The following CACNG3 variants were observed in gnomAD, a reference collection of about 807,000 sequenced individuals.
CACNG3 encodes the protein voltage-dependent calcium channel gamma-3 subunit.
In CACNG3, 3 loss-of-function variants were observed where a neutral mutation model predicts 28.5. The observed-to-expected ratio is 0.11, with a 90% confidence interval of 0.05 to 0.27. The LOEUF (loss-of-function observed/expected upper bound fraction) is 0.27. Ranked by LOEUF, CACNG3 falls within the 10% of genes least tolerant of loss-of-function variation. The pLI is 1.00. For missense variants in CACNG3, 236 were observed against 414.4 expected, an observed-to-expected ratio of 0.57 and a Z score of 3.74; for synonymous variants, 174 against 162.2, an observed-to-expected ratio of 1.07 and a Z score of -0.55.
At chr16:24,317,552 GAA>G (rs1173044165) in intron 1 of CACNG3, among the ~76,000 whole-genome samples, 1 of 63,222 alleles carries the variant, frequency 1.6e-5, no homozygotes, top group Non-Finnish European at 3.5e-5. Context: ...AAAAAAAAAA[GAA>G]AAAGAAAGAA....
intron 1 of CACNG3, among the ~76,000 whole-genome samples, chr16:24,334,185 G>A (rs1205641356): frequency 1.3e-5 from 2 of 152,184 alleles, no homozygotes; most frequent in African/African-American, 4.8e-5. Context: ...TACAACGCTG[G>A]ACCCTAGGTT....
At chr16:24,308,918 G>A (rs1269662000) in intron 1 of CACNG3, among the ~76,000 whole-genome samples, 1 of 145,252 alleles carries the variant, frequency 6.9e-6, no homozygotes, top group Admixed American at 6.9e-5. Context: ...TAGTAAAAGT[G>A]AACAATTTAA....
chr16:24,342,719 T>C (rs770261353), intron 1 of CACNG3, among the ~76,000 whole-genome samples: 4 of 152,186 alleles, frequency 2.6e-5, no homozygotes, highest in East Asian at 1.9e-4. Context: ...ATGGGCACGA[T>C]TGTGTTTCAA....
chr16:24,318,079 A>G (rs1015038042), intron 1 of CACNG3, among the ~76,000 whole-genome samples: 10 of 151,964 alleles, frequency 6.6e-5, no homozygotes, highest in Non-Finnish European at 1.0e-4. Context: ...CCTTCATATG[A>G]TCCTTCTCCA....
At chr16:24,297,295 T>A (rs1316785295) in intron 1 of CACNG3, among the ~76,000 whole-genome samples, 2 of 151,164 alleles carry the variant, frequency 1.3e-5, no homozygotes, top group Non-Finnish European at 2.9e-5. Flanking sequence ...AATAAATAAA[T>A]AAATAAAAAT....
At chr16:24,296,852 G>T (rs1263222262) in intron 1 of CACNG3, among the ~76,000 whole-genome samples, 1 of 152,166 alleles carries the variant, frequency 6.6e-6, no homozygotes, top group Non-Finnish European at 1.5e-5. Flanking sequence ...GTTATTTTGG[G>T]TGTGCAAATG....
chr16:24,283,768 T>C (rs1898859872), intron 1 of CACNG3, among the ~76,000 whole-genome samples: 1 of 152,202 alleles, frequency 6.6e-6, no homozygotes. Flanking sequence ...CAAAGTGTGA[T>C]CACAGATCTC....
Position 24,361,579 on chromosome 16 carries a change from G to A in CACNG3, c.664G>A (p.Ala222Thr). The A allele has an allele frequency of 6.2e-7, 1 of 1,613,854 alleles. No individual in the cohort carries two copies. The highest frequency in any genetic ancestry group is 8.5e-7 in the Non-Finnish European group (1 of 1,179,938). Residue 222 changes from alanine (A) to threonine (T), a missense_variant, in exon 4 of 4, where the codon GCC becomes ACC. Ala to Thr is a moderately conservative substitution (Grantham distance 58). Around this residue, in one of 2 missense-constraint regions of CACNG3, gnomAD observed 116 missense variants for 151.0 expected, o/e 0.77. Coordinates refer to ENST00000005284, the MANE Select transcript of CACNG3 (RefSeq NM_006539.4). The surrounding 1 kb of genome is among the most constrained non-coding windows in gnomAD (Gnocchi z 6.8). ...HSEFLKKSTF[A>T]RLPPYRYRFR... is the part of the protein sequence containing the mutation. ...GGAGTTCCTGAAGAAATCTACTTTT[G>A]CCCGCCTCCCACCCTACAGGTATCG...
chr16:24,315,553 CTTCTTTCTTTCTT>C (rs961721471), intron 1 of CACNG3, among the ~76,000 whole-genome samples: 10 of 127,890 alleles, frequency 7.8e-5, no homozygotes, highest in Non-Finnish European at 1.4e-4. Flanking sequence ...TTTTTCTTTT[CTTCTTTCTTTCTT>C]TTCTTTCTTT....
intron 1 of CACNG3, among the ~76,000 whole-genome samples, chr16:24,271,027 T>A (rs986901767): frequency 6.6e-6 from 1 of 152,124 alleles, no homozygotes; most frequent in Non-Finnish European, 1.5e-5. Flanking sequence ...CAGTTTAGGA[T>A]AGTGCAGGCC....
At position 24,316,608 on chromosome 16, in the gene CACNG3, C is replaced by G. The variant is rs1481766112; in HGVS notation, c.212-30126C>G. On this transcript the variant is annotated intron_variant, in intron 1 of 3. Coordinates refer to ENST00000005284, the MANE Select transcript of CACNG3 (RefSeq NM_006539.4). ...CTGTGGCTTCCCGGTGCTCTGGGCA[C>G]CTTCCCAGTCCTCCTCACAGCAGCC... 2.6e-5 allele frequency among the ~76,000 whole-genome samples: 4 copies of G among 152,196 alleles called. No individual in the cohort carries two copies. The East Asian group carries it at 7.7e-4, about 29-fold the overall frequency.
At chr16:24,333,670 T>C in intron 1 of CACNG3, 1 of 152,138 alleles carries the variant, frequency 6.6e-6, no homozygotes, top group Non-Finnish European at 1.5e-5. Flanking sequence ...ACCCTATCTC[T>C]ACAAAAAAAA....
At chr16:24,343,396 C>G (rs1440172489) in intron 1 of CACNG3, among the ~76,000 whole-genome samples, 1 of 152,110 alleles carries the variant, frequency 6.6e-6, no homozygotes, top group South Asian at 2.1e-4. Flanking sequence ...TCCATCTTCA[C>G]CTGAACACTT....
At chr16:24,337,371 T>C (rs1036202891) in intron 1 of CACNG3, among the ~76,000 whole-genome samples, 1 of 152,174 alleles carries the variant, frequency 6.6e-6, no homozygotes, top group Non-Finnish European at 1.5e-5. Context: ...CCCTTTGTGA[T>C]TGCTGGTGAC....
intron 1 of CACNG3, among the ~76,000 whole-genome samples, chr16:24,302,728 C>T (rs1481218227): frequency 1.3e-5 from 2 of 151,848 alleles, no homozygotes; most frequent in African/African-American, 2.4e-5. Flanking sequence ...GGTGCAATCT[C>T]GGCTCACTGC....
chr16:24,293,845 A>G (rs1273165715), intron 1 of CACNG3, among the ~76,000 whole-genome samples: 1 of 152,080 alleles, frequency 6.6e-6, no homozygotes, highest in Non-Finnish European at 1.5e-5. Flanking sequence ...GCAAGGGGAA[A>G]TCCTCTCTTC....
chr16:24,274,626 T>C (rs1002845296), intron 1 of CACNG3, among the ~76,000 whole-genome samples: 12 of 152,182 alleles, frequency 7.9e-5, no homozygotes, highest in African/African-American at 2.7e-4. Flanking sequence ...ACAAGATTTA[T>C]GGCATATGAT....
rs377509628 is a variant in CACNG3, at chr16:24,340,220, C to T, written c.212-6514C>T. ...CAGGAGTTCAAGATCGTGAACATGA[C>T]GAGACCCCATCTCTACAAAAATATA... On this transcript the variant is annotated intron_variant, in intron 1 of 3. Coordinates refer to ENST00000005284, the MANE Select transcript of CACNG3 (RefSeq NM_006539.4). Among the ~76,000 whole-genome samples, 10 of 151,890 alleles carry T rather than the reference C, an allele frequency of 6.6e-5. No homozygotes were observed. The East Asian group carries it at 1.7e-3, about 27-fold the overall frequency.
At chr16:24,322,965 C>T (rs894828132) in intron 1 of CACNG3, among the ~76,000 whole-genome samples, 8 of 152,222 alleles carry the variant, frequency 5.3e-5, no homozygotes, top group Middle Eastern at 3.4e-3. Context: ...GCAGCTCACA[C>T]CTGTAATCCT....
Sources: allele counts gnomAD v4.1 joint callset (sites outside exome capture counted in the v4.1 genomes callset), GRCh38; gene constraint gnomAD v4.1.1; regional missense constraint gnomAD v4.1.1; non-coding constraint Gnocchi (gnomAD v3.1); transcripts MANE v1.5; gene names NCBI Gene and HGNC (gene_info 2026-07-23, HGNC 2026-07-21).